Variants in CHL1 observed in about 807,000 individuals in gnomAD.
The protein encoded by CHL1 is cell adhesion molecule L1 like.
A neutral mutation model predicts 141.9 loss-of-function variants in CHL1; 96 were observed. The observed-to-expected ratio is 0.68, with a 90% CI of 0.57 to 0.80. The LOEUF is 0.80. Among genes scored for constraint, CHL1 ranks in the 30% least tolerant of loss-of-function variants. The pLI is 0.00. For missense variants in CHL1, 1,820 were observed against 1,457.2 expected (o/e 1.25, Z -4.05); for synonymous variants, 613 against 502.2 (o/e 1.22, Z -2.95).
chr3:275,462 G>A (rs9310783), intron 2 of CHL1, among the ~76,000 whole-genome samples: 17,194 of 152,034 alleles, frequency 0.11, 1,064 homozygotes, highest in African/African-American at 0.15. Flanking sequence ...GATGGCAACC[G>A]TAGGCCTAGG....
At chr3:207,784 A>C (rs1699567042) in intron 1 of CHL1, among the ~76,000 whole-genome samples, 1 of 152,170 alleles carries the variant, frequency 6.6e-6, no homozygotes, top group Non-Finnish European at 1.5e-5. Flanking sequence ...AGAGGAGCAA[A>C]CTTCAAAGGG....
intron 15 of CHL1, among the ~76,000 whole-genome samples, chr3:371,228 G>A (rs1158030193): frequency 6.6e-6 from 1 of 152,116 alleles, no homozygotes; most frequent in Non-Finnish European, 1.5e-5. Context: ...CTATTATTGT[G>A]TGGGAGTCTC....
At chr3:315,125 A>C (rs1700063406) in intron 2 of CHL1, among the ~76,000 whole-genome samples, 1 of 152,172 alleles carries the variant, frequency 6.6e-6, no homozygotes, top group Non-Finnish European at 1.5e-5. Context: ...TGCCACTATC[A>C]ACACAATGAT....
At chr3:404,998 G>A (rs578236190) in intron 27 of CHL1, among the ~76,000 whole-genome samples, 3 of 152,234 alleles carry the variant, frequency 2.0e-5, no homozygotes, top group African/African-American at 7.2e-5. Flanking sequence ...TCCTCACATC[G>A]TGAAAGGGGT....
chr3:366,040 A>G lies in CHL1; in HGVS notation c.1676A>G (p.His559Arg), dbSNP rs745703541. 2 of 1,613,976 alleles carry G rather than the reference A, an allele frequency of 1.2e-6. No individual in the cohort carries two copies. Among genetic ancestry groups the G allele is most frequent in the Non-Finnish European group, 8.5e-7 (1 of 1,179,856 alleles). The change falls in exon 15 of 28, where the codon CAT (histidine) becomes CGT (arginine). Residue 559 changes from histidine to arginine, a missense_variant. Physicochemically the swap from His to Arg is conservative, Grantham distance 29. Coordinates refer to ENST00000256509, the MANE Select transcript of CHL1 (RefSeq NM_006614.4). ...ELHCESKCDSHLKHSLKLSWS... is the reference protein window; with the variant it reads ...ELHCESKCDSRLKHSLKLSWS... ...CATTGTGAAAGCAAATGTGACTCAC[A>G]TTTGAAACACAGTTTGAAGTTGTCC...
chr3:341,462 C>A (rs1026898705), intron 6 of CHL1, among the ~76,000 whole-genome samples: 1 of 152,146 alleles, frequency 6.6e-6, no homozygotes, highest in African/African-American at 2.4e-5. Context: ...CAGGCTGCAA[C>A]CAGAACAGGG....
chr3:387,647 G>A (rs948039151), intron 19 of CHL1, among the ~76,000 whole-genome samples: 1 of 152,148 alleles, frequency 6.6e-6, no homozygotes, highest in African/African-American at 2.4e-5. Flanking sequence ...TGTCAGCAGA[G>A]ACTGAAGAAA....
intron 2 of CHL1, among the ~76,000 whole-genome samples, chr3:286,506 G>T (rs1005258459): frequency 6.6e-6 from 1 of 151,780 alleles, no homozygotes; most frequent in African/African-American, 2.4e-5. Context: ...AGCTACTTGG[G>T]AGGCTGAGGC....
intron 8 of CHL1, among the ~76,000 whole-genome samples, chr3:344,078 G>C (rs1037415668): frequency 3.9e-5 from 6 of 152,178 alleles, no homozygotes; most frequent in Admixed American, 3.9e-4. Flanking sequence ...AAGGAGCTGA[G>C]ACTACAGGTA....
In CHL1 at chr3:321,971, C is replaced by T. The variant is rs118010424; in HGVS notation, c.91+2104C>T. Among the ~76,000 whole-genome samples the T allele has an allele frequency of 7.9e-5, 12 of 152,128 alleles. No homozygotes were observed. In the East Asian group the frequency reaches 2.1e-3, roughly 27 times the overall value. ...CCCAAATAATTAGTTATTGCTGAGC[C>T]TTTACAACCTTAGCAAATTTAGGAA... On this transcript the variant is annotated intron_variant, in intron 3 of 27. Coordinates refer to ENST00000256509, the MANE Select transcript of CHL1 (RefSeq NM_006614.4).
chr3:284,536 T>C (rs1470565550), intron 2 of CHL1, among the ~76,000 whole-genome samples: 2 of 152,188 alleles, frequency 1.3e-5, no homozygotes, highest in African/African-American at 4.8e-5. Flanking sequence ...AGGCGTTGTT[T>C]TATGACAATG....
At chr3:252,245 T>C (rs1175611319) in intron 2 of CHL1, among the ~76,000 whole-genome samples, 1 of 150,918 alleles carries the variant, frequency 6.6e-6, no homozygotes, top group Non-Finnish European at 1.5e-5. Context: ...TTCTTGACTC[T>C]ATTCATATTT....
At chr3:232,174 G>A (rs965157979) in intron 1 of CHL1, among the ~76,000 whole-genome samples, 3 of 152,150 alleles carry the variant, frequency 2.0e-5, no homozygotes, top group African/African-American at 7.2e-5. Context: ...CTGTGAGGAG[G>A]CACCGGAGAA....
At chr3:388,503 C>T (rs977946207) in intron 19 of CHL1, among the ~76,000 whole-genome samples, 3 of 148,014 alleles carry the variant, frequency 2.0e-5, no homozygotes, top group African/African-American at 7.7e-5. Context: ...GCCGAGATCA[C>T]ACCACTGCAA....
intron 3 of CHL1, among the ~76,000 whole-genome samples, chr3:325,291 T>C (rs1700917852): frequency 6.6e-6 from 1 of 152,058 alleles, no homozygotes; most frequent in Non-Finnish European, 1.5e-5. Context: ...AGAACCACTC[T>C]ATTTTTGTTA....
intron 5 of CHL1, among the ~76,000 whole-genome samples, chr3:329,584 GA>G (rs772317747): frequency 2.0e-5 from 3 of 150,218 alleles, no homozygotes; most frequent in African/African-American, 7.3e-5. Flanking sequence ...ATAAAGGAGA[GA>G]AAAAAAGTAA....
At chr3:221,734 G>C (rs1337742121) in intron 1 of CHL1, among the ~76,000 whole-genome samples, 1 of 152,148 alleles carries the variant, frequency 6.6e-6, no homozygotes, top group African/African-American at 2.4e-5. Context: ...TTGAAATATA[G>C]ATGTGCACAC....
chr3:357,338 C>T (rs917956549), intron 11 of CHL1, among the ~76,000 whole-genome samples: 1 of 152,160 alleles, frequency 6.6e-6, no homozygotes, highest in Admixed American at 6.6e-5. Flanking sequence ...ATCCTTTCCC[C>T]ATGTTATTTC....
At chr3:339,909 GCCTT>G (rs1702229104) in intron 5 of CHL1, among the ~76,000 whole-genome samples, 2 of 152,092 alleles carry the variant, frequency 1.3e-5, no homozygotes, top group African/African-American at 4.8e-5. Flanking sequence ...TGTTATAACT[GCCTT>G]CCTAAGATCC....
Sources: gnomAD v4.1 joint callset for allele counts (sites outside exome capture counted in the v4.1 genomes callset) on GRCh38, gnomAD v4.1.1 for gene constraint, MANE v1.5 for transcripts, NCBI Gene and HGNC (gene_info 2026-07-23, HGNC 2026-07-21) for gene names.